The following MTMR7 variants were observed in gnomAD, a reference collection of about 807,000 sequenced individuals.
The protein encoded by MTMR7 is phosphatidylinositol-3-phosphate phosphatase MTMR7.
Under a neutral mutation model 81.2 loss-of-function variants are expected in MTMR7, and 76 were observed. The ratio of observed to expected loss-of-function variants is 0.94; its 90% CI spans 0.78 to 1.13. The LOEUF is 1.13. MTMR7 is among the 50% of genes most tolerant of loss of function. The pLI is 0.00. For synonymous variants in MTMR7, 372 were observed against 289.8 expected (o/e 1.28, Z -2.88); for missense variants, 1,044 against 820.0 (o/e 1.27, Z -3.34).
intron 5 of MTMR7, among the ~76,000 whole-genome samples, chr8:17,343,835 CAGTA>C (rs1819475181): frequency 1.3e-5 from 2 of 152,120 alleles, no homozygotes; most frequent in Admixed American, 6.5e-5. Context: ...GTGTGCAGAA[CAGTA>C]AGTAGTCTCA....
chr8:17,408,217 C>A (rs532588092), intron 1 of MTMR7, among the ~76,000 whole-genome samples: 1 of 115,868 alleles, frequency 8.6e-6, no homozygotes, highest in South Asian at 3.3e-4. Flanking sequence ...GGTGAAACCC[C>A]GTCTCTACTA....
At chr8:17,307,988 G>A (rs764182037) in intron 10 of MTMR7, among the ~76,000 whole-genome samples, 137 of 151,976 alleles carry the variant, frequency 9.0e-4, no homozygotes, top group Admixed American at 2.8e-3. Flanking sequence ...GTATATATAT[G>A]TAACAAACCT....
intron 8 of MTMR7, among the ~76,000 whole-genome samples, chr8:17,312,871 G>A (rs1418377182): frequency 6.6e-6 from 1 of 152,102 alleles, no homozygotes; most frequent in Non-Finnish European, 1.5e-5. Flanking sequence ...AAGCTGCAGC[G>A]ACATTTTCCT....
chr8:17,301,636 C>T (rs898245570), intron 13 of MTMR7: 1 of 153,702 alleles, frequency 6.5e-6, no homozygotes, highest in Non-Finnish European at 1.4e-5. Context: ...TACATTAGTA[C>T]CATTGGAAAC....
chr8:17,378,345 G>C (rs1409622260), intron 1 of MTMR7, among the ~76,000 whole-genome samples: 1 of 152,178 alleles, frequency 6.6e-6, no homozygotes, highest in African/African-American at 2.4e-5. Flanking sequence ...AAGTCAGAAA[G>C]CACTGTTCAG....
At chr8:17,344,050 A>G (rs1819482759) in intron 5 of MTMR7, among the ~76,000 whole-genome samples, 1 of 152,226 alleles carries the variant, frequency 6.6e-6, no homozygotes. Flanking sequence ...TTGAGTGTTT[A>G]TATGATAGGC....
intron 7 of MTMR7, among the ~76,000 whole-genome samples, chr8:17,327,383 A>T (rs1287756183): frequency 6.6e-6 from 1 of 152,108 alleles, no homozygotes; most frequent in African/African-American, 2.4e-5. Flanking sequence ...TGATCCTCCC[A>T]CATCAGCTTC....
intron 6 of MTMR7, among the ~76,000 whole-genome samples, chr8:17,335,231 G>A (rs550429843): frequency 2.0e-5 from 3 of 152,216 alleles, no homozygotes; most frequent in Admixed American, 6.5e-5. Context: ...TCCACGAGGG[G>A]CCCTGAGTGT....
At chr8:17,379,761 T>C (rs958376041) in intron 1 of MTMR7, among the ~76,000 whole-genome samples, 4 of 152,186 alleles carry the variant, frequency 2.6e-5, no homozygotes, top group African/African-American at 4.8e-5. Flanking sequence ...ATACCTCATG[T>C]TAAGTGTTTT....
chr8:17,363,390 A>G (rs185834080), intron 3 of MTMR7, among the ~76,000 whole-genome samples: 1 of 152,324 alleles, frequency 6.6e-6, no homozygotes, highest in Admixed American at 6.5e-5. Context: ...TCTTTGTTAA[A>G]TATTTACAAA....
At chr8:17,355,034 C>G (rs1329635823) in intron 4 of MTMR7, among the ~76,000 whole-genome samples, 1 of 152,116 alleles carries the variant, frequency 6.6e-6, no homozygotes, top group Non-Finnish European at 1.5e-5. Flanking sequence ...GTTTTGCAGG[C>G]TGTGCAACGT....
chr8:17,410,833 G>GT (rs1563387244), intron 1 of MTMR7, among the ~76,000 whole-genome samples: 1 of 152,144 alleles, frequency 6.6e-6, no homozygotes, highest in Non-Finnish European at 1.5e-5. Context: ...AAAAGCAACT[G>GT]TACATTATAC....
rs1032168431 is a variant in MTMR7, at chr8:17,299,462, A to G, written c.*400T>C. 3 of 166,318 alleles carry G rather than the reference A, an allele frequency of 1.8e-5. No individual in the cohort carries two copies. The highest frequency in any genetic ancestry group is 4.0e-5 in the Non-Finnish European group (3 of 75,870). 10.3% of individuals were successfully genotyped at this position (166,318 alleles called of 1,614,324 possible). A position where few individuals can be genotyped will look rare whatever the true frequency, so the allele number is the denominator to read the frequency against. Reference sequence around the variant, plus strand: ...TGTCAGATGCTTTAGAAAACACAAAATATGCATCTAGAAGTGAACTAAAAG... The same window carrying G: ...TGTCAGATGCTTTAGAAAACACAAAGTATGCATCTAGAAGTGAACTAAAAG... On this transcript the variant is annotated 3_prime_UTR_variant, in exon 14 of 14. Coordinates refer to ENST00000180173, the MANE Select transcript of MTMR7 (RefSeq NM_004686.5).
At chr8:17,403,886 A>T (rs1821499018) in intron 1 of MTMR7, among the ~76,000 whole-genome samples, 1 of 152,330 alleles carries the variant, frequency 6.6e-6, no homozygotes, top group Non-Finnish European at 1.5e-5. Flanking sequence ...CACTGTTGGC[A>T]TACATGAACG....
intron 3 of MTMR7, among the ~76,000 whole-genome samples, chr8:17,366,624 C>T (rs570557540): frequency 2.6e-5 from 4 of 152,168 alleles, no homozygotes; most frequent in East Asian, 1.9e-4. Context: ...CGGTGGCTCA[C>T]GCCTGTAATC....
chr8:17,377,732 T>A (rs1198853838), intron 1 of MTMR7, among the ~76,000 whole-genome samples: 1 of 152,148 alleles, frequency 6.6e-6, no homozygotes, highest in Non-Finnish European at 1.5e-5. Context: ...AGTATCCTCA[T>A]TCTTCTTTCT....
rs1816918749 is a variant in MTMR7 at position 17,298,942 on chromosome 8, A to T, written c.*920T>A. ...GATTACAAAACCTATTCCCTTCATTAAACAGACATGACAACCCAATTCTCT... is the reference window on the plus strand; with the variant it reads ...GATTACAAAACCTATTCCCTTCATTTAACAGACATGACAACCCAATTCTCT... On this transcript the variant is annotated 3_prime_UTR_variant, in exon 14 of 14. Coordinates refer to ENST00000180173, the MANE Select transcript of MTMR7 (RefSeq NM_004686.5). 1 of 152,248 alleles carries T rather than the reference A, an allele frequency of 6.6e-6. No individual in the cohort carries two copies. Among genetic ancestry groups the T allele is most frequent in the Non-Finnish European group, 1.5e-5 (1 of 68,028 alleles). The allele number at this position is 152,248 out of a possible 1,614,324, so 9.4% of individuals were successfully genotyped here.
rs767017363 is a variant in MTMR7, at chr8:17,298,341, C to T, written c.*1521G>A. The T allele has an allele frequency of 6.6e-6, 1 of 152,010 alleles. No individual in the cohort carries two copies. Among genetic ancestry groups the T allele is most frequent in the Non-Finnish European group, 1.5e-5 (1 of 67,924 alleles). 9.4% of individuals were successfully genotyped at this position (152,010 alleles called of 1,614,324 possible). A position where few individuals can be genotyped will look rare whatever the true frequency, so the allele number is the denominator to read the frequency against. On this transcript the variant is annotated 3_prime_UTR_variant, in exon 14 of 14. Coordinates refer to ENST00000180173, the MANE Select transcript of MTMR7 (RefSeq NM_004686.5). ...TTTTATATTCTGAAAGAATTAATTA[C>T]ACTTGCTTTATTTTTTACATTAACA...
rs771985266 is a variant in MTMR7, at chr8:17,413,271, T to C, written c.22A>G (p.Lys8Glu). 2.6e-6 allele frequency: 4 copies of C among 1,548,254 alleles called. No homozygotes were observed. Among genetic ancestry groups the C allele is most frequent in the Non-Finnish European group, 3.5e-6 (4 of 1,145,132 alleles). Residue 8 changes from lysine (K) to glutamate (E), a missense_variant and splice_region_variant, in exon 1 of 14, where the codon AAG becomes GAG. Physicochemically the swap from Lys to Glu is moderately conservative, Grantham distance 56. Coordinates refer to ENST00000180173, the MANE Select transcript of MTMR7 (RefSeq NM_004686.5). Reference sequence around the variant, plus strand: ...CCGCCCGCGCTGGTGTCACCAACCTTGGGCGTACGGATGTGCTCCATGGCT... The same window carrying C: ...CCGCCCGCGCTGGTGTCACCAACCTCGGGCGTACGGATGTGCTCCATGGCT... Reference protein sequence around the residue: MEHIRTPKVENVRLVDRV... With the variant: MEHIRTPEVENVRLVDRV...
Sources: gnomAD v4.1 joint callset for allele counts (sites outside exome capture counted in the v4.1 genomes callset) on GRCh38, gnomAD v4.1.1 for gene constraint, MANE v1.5 for transcripts, NCBI Gene and HGNC (gene_info 2026-07-23, HGNC 2026-07-21) for gene names.